DLC1: variants seen among roughly 807,000 people sequenced by gnomAD.
DLC1 encodes rho GTPase-activating protein 7.
DLC1 carries 54 observed loss-of-function variants against 140.3 expected under a neutral mutation model. That is an observed-to-expected ratio of 0.38 (90% CI 0.31 to 0.48). The LOEUF (loss-of-function observed/expected upper bound fraction) is 0.48, where lower values mean the gene tolerates loss of function less well. Ranked by LOEUF, DLC1 falls within the 20% of genes least tolerant of loss-of-function variation. DLC1 has a pLI of 0.96. For missense variants in DLC1, 2,536 were observed against 1,907.0 expected, an observed-to-expected ratio of 1.33 and a Z score of -6.14; for synonymous variants, 986 against 728.1, an observed-to-expected ratio of 1.35 and a Z score of -5.70.
At chr8:13,309,281 A>T (rs73663536) in intron 4 of DLC1, among the ~76,000 whole-genome samples, 2,942 of 152,244 alleles carry the variant, frequency 0.019, 113 homozygotes, top group African/African-American at 0.066. Context: ...AAGTCTACAA[A>T]TGACTTCCAA....
intron 4 of DLC1, among the ~76,000 whole-genome samples, chr8:13,365,124 T>G (rs1212827967): frequency 6.6e-6 from 1 of 152,224 alleles, no homozygotes; most frequent in South Asian, 2.1e-4. Flanking sequence ...AATTCCATTT[T>G]AAATTTCCAT....
At chr8:13,303,597 T>C (rs1056504575) in intron 5 of DLC1, among the ~76,000 whole-genome samples, 2 of 151,622 alleles carry the variant, frequency 1.3e-5, no homozygotes, top group African/African-American at 4.8e-5. Context: ...AGCTCAGGAG[T>C]TTGAGACTAG....
chr8:13,263,786 A>G (rs1830565368), intron 5 of DLC1, among the ~76,000 whole-genome samples: 1 of 151,616 alleles, frequency 6.6e-6, no homozygotes, highest in Non-Finnish European at 1.5e-5. Context: ...TAGCATTCTA[A>G]TATACCATTG....
chr8:13,530,237 C>G (rs28732973), intron 1 of DLC1, among the ~76,000 whole-genome samples: 3,160 of 152,260 alleles, frequency 0.021, 130 homozygotes, highest in African/African-American at 0.072. Context: ...GATGCTTTTT[C>G]TCTAAGTCCT....
chr8:13,598,886 A>G (rs1024032711), intron 1 of DLC1, among the ~76,000 whole-genome samples: 3 of 151,950 alleles, frequency 2.0e-5, no homozygotes, highest in Non-Finnish European at 2.9e-5. Flanking sequence ...TCATGTTAAA[A>G]TGTCAGAACT....
chr8:13,306,330 A>G (rs534680635), intron 4 of DLC1, among the ~76,000 whole-genome samples: 1 of 152,312 alleles, frequency 6.6e-6, no homozygotes, highest in South Asian at 2.1e-4. Flanking sequence ...ATACCACTAA[A>G]CAAATGAAGC....
intron 4 of DLC1, among the ~76,000 whole-genome samples, chr8:13,363,529 A>G (rs902180310): frequency 1.3e-5 from 2 of 152,116 alleles, no homozygotes; most frequent in African/African-American, 4.8e-5. Context: ...TCCAAAAGTT[A>G]TTGTTCTGTC....
At chr8:13,436,770 C>G (rs1318592924) in intron 2 of DLC1, among the ~76,000 whole-genome samples, 1 of 152,072 alleles carries the variant, frequency 6.6e-6, no homozygotes, top group Non-Finnish European at 1.5e-5. Flanking sequence ...GGCATATTTC[C>G]AAAATGCATA....
chr8:13,336,157 A>ACTT (rs1177924898), intron 4 of DLC1, among the ~76,000 whole-genome samples: 3 of 152,104 alleles, frequency 2.0e-5, no homozygotes, highest in Non-Finnish European at 2.9e-5. Context: ...ATATGAGCTG[A>ACTT]AGTTCATTCA....
rs747500323 is a variant in DLC1 at position 13,300,423 on chromosome 8, T to A, written c.1348+4846A>T. Among the ~76,000 whole-genome samples the A allele has an allele frequency of 4.2e-4, 64 of 152,308 alleles. 1 individual carries two copies. The highest frequency in any genetic ancestry group is 3.4e-3 in the Middle Eastern group (1 of 294). The stretch of plus-strand genomic sequence containing the variant: ...CAAATTTGCACATCCTGCACATGTA[T>A]CGCAGAACATCATAAAATAAAGTAA... On this transcript the variant is annotated intron_variant, in intron 5 of 17. Coordinates refer to ENST00000276297, the MANE Select transcript of DLC1 (RefSeq NM_182643.3).
rs1284471087 is a variant in DLC1, at chr8:13,294,350, A to C, written c.1348+10919T>G. Among the ~76,000 whole-genome samples, 4 of 152,238 alleles carry C rather than the reference A, an allele frequency of 2.6e-5. No homozygotes were observed. In the East Asian group the frequency reaches 7.7e-4, roughly 29 times the overall value. ...GCTGTTGGAAAGCATTGCTGAGATA[A>C]ATGGAACGCTCAGAAGACAATGACA... On this transcript the variant is annotated intron_variant, in intron 5 of 17. Transcript: ENST00000276297.
At chr8:13,416,217 T>C (rs1431046269) in intron 2 of DLC1, among the ~76,000 whole-genome samples, 1 of 152,160 alleles carries the variant, frequency 6.6e-6, no homozygotes, top group African/African-American at 2.4e-5. Context: ...TTCATGTGTA[T>C]AAAATTTGCT....
At chr8:13,269,112 A>T (rs1209991) in intron 5 of DLC1, among the ~76,000 whole-genome samples, 66,679 of 151,670 alleles carry the variant, frequency 0.44, 15,104 homozygotes, top group East Asian at 0.81. Context: ...TGACCTCGTG[A>T]TCTGCCCGCC....
intron 5 of DLC1, among the ~76,000 whole-genome samples, chr8:13,145,039 TTTATAAA>T (rs1554584424): frequency 6.6e-6 from 1 of 152,170 alleles, no homozygotes; most frequent in Non-Finnish European, 1.5e-5. Context: ...AACAAAAGTA[TTTATAAA>T]TTATAAATAC....
chr8:13,293,952 G>T (rs994653145), intron 5 of DLC1, among the ~76,000 whole-genome samples: 4 of 152,162 alleles, frequency 2.6e-5, no homozygotes, highest in African/African-American at 9.7e-5. Flanking sequence ...TAGCCAAAAA[G>T]GGTAATGTTG....
intron 5 of DLC1, among the ~76,000 whole-genome samples, chr8:13,261,933 A>T (rs1258501653): frequency 6.6e-6 from 1 of 152,214 alleles, no homozygotes; most frequent in Admixed American, 6.5e-5. Context: ...ATTCAGGAAA[A>T]GCTCTAAGCA....
chr8:13,578,187 A>T (rs1804913935), intron 1 of DLC1, among the ~76,000 whole-genome samples: 2 of 152,080 alleles, frequency 1.3e-5, no homozygotes, highest in Admixed American at 1.3e-4. Flanking sequence ...CGTACCAAGG[A>T]TGACCACATG....
chr8:13,484,098 A>G (rs1228250258), intron 2 of DLC1, among the ~76,000 whole-genome samples: 1 of 152,146 alleles, frequency 6.6e-6, no homozygotes, highest in East Asian at 1.9e-4. Flanking sequence ...TAAACAAGTA[A>G]ATAATGAAAT....
intron 2 of DLC1, among the ~76,000 whole-genome samples, chr8:13,495,609 A>C (rs1801464643): frequency 6.6e-6 from 1 of 152,194 alleles, no homozygotes; most frequent in African/African-American, 2.4e-5. Context: ...CTACATATAT[A>C]CTAAAAATAA....
Sources: gnomAD v4.1 joint callset for allele counts (sites outside exome capture counted in the v4.1 genomes callset) on GRCh38, gnomAD v4.1.1 for gene constraint, MANE v1.5 for transcripts, NCBI Gene and HGNC (gene_info 2026-07-23, HGNC 2026-07-21) for gene names.